BCR: variants seen among roughly 807,000 people sequenced by gnomAD.
BCR encodes the protein breakpoint cluster region protein.
A neutral mutation model predicts 138.6 loss-of-function variants in BCR; 58 were observed. The observed-to-expected ratio is 0.42, with a 90% CI of 0.34 to 0.52. The LOEUF (loss-of-function observed/expected upper bound fraction) is 0.52, where lower values mean the gene tolerates loss of function less well. BCR is among the 20% of genes least tolerant of loss of function. The pLI, the probability that BCR is intolerant of heterozygous loss-of-function variation, is 0.06. For missense variants in BCR, 1,599 were observed against 1,727.2 expected (o/e 0.93, Z 1.32); for synonymous variants, 786 against 730.1 (o/e 1.08, Z -1.23).
At chr22:23,190,210 C>T (rs912214915) in intron 1 of BCR, among the ~76,000 whole-genome samples, 1 of 152,104 alleles carries the variant, frequency 6.6e-6, no homozygotes, top group African/African-American at 2.4e-5. Flanking sequence ...TCTTGTCACC[C>T]AGACTGGAGT....
At chr22:23,249,183 A>T (rs1339439018) in intron 1 of BCR, among the ~76,000 whole-genome samples, 1 of 151,984 alleles carries the variant, frequency 6.6e-6, no homozygotes, top group Non-Finnish European at 1.5e-5. Flanking sequence ...TAATCCCAGC[A>T]CTTTGGGAGG....
rs142193100 is a variant in BCR at position 23,207,417 on chromosome 22, A to C, written c.1279+25178A>C. 1.2e-3 allele frequency among the ~76,000 whole-genome samples: 187 copies of C among 152,266 alleles called. 1 individual carries two copies. The highest frequency in any genetic ancestry group is 0.01 in the Middle Eastern group (3 of 294). On this transcript the variant is annotated intron_variant, in intron 1 of 22. Transcript: ENST00000305877. Reference sequence around the variant, plus strand: ...GTTGGGAGGGTCGCTTGAGCCCAGGAGTTCAAAACCAGCCTAAGCAACATA... The same window carrying C: ...GTTGGGAGGGTCGCTTGAGCCCAGGCGTTCAAAACCAGCCTAAGCAACATA...
chr22:23,216,374 A>T (rs2267015), intron 1 of BCR, among the ~76,000 whole-genome samples: 92,347 of 152,070 alleles, frequency 0.61, 28,768 homozygotes, highest in African/African-American at 0.75. Context: ...CTTTTCTTTT[A>T]TGGTAGTATT....
intron 1 of BCR, among the ~76,000 whole-genome samples, chr22:23,197,378 T>C (rs530725852): frequency 6.6e-6 from 1 of 152,350 alleles, no homozygotes; most frequent in South Asian, 2.1e-4. Flanking sequence ...TTAAGCAAGG[T>C]ATGGCTTTAT....
chr22:23,298,876 G>A (rs1044182412), intron 16 of BCR, among the ~76,000 whole-genome samples: 7 of 152,198 alleles, frequency 4.6e-5, no homozygotes, highest in Admixed American at 3.3e-4. Flanking sequence ...GGGATTATAG[G>A]CGTGAGCTAC....
At chr22:23,309,321 G>C in intron 16 of BCR, 103 bp from the exon 17 acceptor site, 1 of 1,010,928 alleles carries the variant, frequency 9.9e-7, no homozygotes. Flanking sequence ...GTCGGGCTCT[G>C]CCTCTGACTA....
At chr22:23,195,755 G>T (rs900105645) in intron 1 of BCR, among the ~76,000 whole-genome samples, 6 of 152,086 alleles carry the variant, frequency 3.9e-5, no homozygotes, top group African/African-American at 1.4e-4. Context: ...GGGCATTGTG[G>T]CAGGCGCCTG....
intron 19 of BCR, 115 bp from the exon 20 acceptor site, chr22:23,312,772 G>A: frequency 8.3e-7 from 1 of 1,209,856 alleles, no homozygotes; most frequent in Non-Finnish European, 1.2e-6. Context: ...CAAAGCCCAG[G>A]AGGGACCCGC....
chr22:23,283,930 C>T (rs1190568823), intron 8 of BCR, 47 bp from the exon 9 acceptor site: 1 of 1,525,132 alleles, frequency 6.6e-7, no homozygotes, highest in Non-Finnish European at 8.8e-7. Context: ...CACCCCCCAC[C>T]CATCACCCCA....
chr22:23,274,300 T>G (rs1480572029), intron 8 of BCR, among the ~76,000 whole-genome samples: 3 of 152,234 alleles, frequency 2.0e-5, no homozygotes, highest in Non-Finnish European at 4.4e-5. Context: ...CTCCTTCCCC[T>G]TCCCCCCCGT....
chr22:23,240,329 G>A (rs1602053447), intron 1 of BCR, among the ~76,000 whole-genome samples: 1 of 151,792 alleles, frequency 6.6e-6, no homozygotes, highest in Non-Finnish European at 1.5e-5. Flanking sequence ...GTGTGTGTGT[G>A]TGTGTGTGTG....
chr22:23,303,754 T>C (rs1297747129), intron 16 of BCR, among the ~76,000 whole-genome samples: 1 of 152,212 alleles, frequency 6.6e-6, no homozygotes, highest in African/African-American at 2.4e-5. Flanking sequence ...TGGATAGTGA[T>C]ACAGGTCCTC....
intron 7 of BCR, 45 bp from the exon 8 acceptor site, chr22:23,273,589 C>T (rs749703441): frequency 1.2e-6 from 2 of 1,608,312 alleles, no homozygotes; most frequent in Non-Finnish European, 1.7e-6. Flanking sequence ...GTGGCAGGTG[C>T]CAGTGCTCCT....
chr22:23,254,404 A>G lies in BCR; in HGVS notation c.1461+424A>G, dbSNP rs141510660. 465 of 492,952 alleles carry G rather than the reference A, an allele frequency of 9.4e-4. 4 individuals are homozygous for G. Among genetic ancestry groups the G allele is most frequent in the African/African-American group, 8.2e-3 (426 of 51,652 alleles). 30.5% of individuals were successfully genotyped at this position (492,952 alleles called of 1,614,324 possible). On this transcript the variant is annotated intron_variant, in intron 2 of 22. Coordinates refer to ENST00000305877, the MANE Select transcript of BCR (RefSeq NM_004327.4). ...CATGTGACCAGAGCCTTTCCTGTGAATTTTCACTTGACCCTCATTAATAAT... is the reference window on the plus strand; with the variant it reads ...CATGTGACCAGAGCCTTTCCTGTGAGTTTTCACTTGACCCTCATTAATAAT...
chr22:23,295,152 C>G lies in BCR; in HGVS notation c.3009C>G (p.Val1003=), dbSNP rs1487931584. 1 of 1,613,984 alleles carries G rather than the reference C, an allele frequency of 6.2e-7. No individual in the cohort carries two copies. Among genetic ancestry groups the G allele is most frequent in the South Asian group, 1.1e-5 (1 of 91,068 alleles). ...ACAGACTCATGGGGAAGGGCCAGGT[C>G]CAGGTGAGGCAGCCATCCCTACCCT... ...STDRLMGKGQ[V]QLDPQALQDR... Residue 1003 remains valine (V), a synonymous_variant, in exon 16 of 23, where the codon GTC becomes GTG. Transcript: ENST00000305877.
At chr22:23,265,559 G>A (rs12484705) in intron 4 of BCR, among the ~76,000 whole-genome samples, 4 of 152,234 alleles carry the variant, frequency 2.6e-5, no homozygotes, top group African/African-American at 9.6e-5. Context: ...ACCTCCTCCT[G>A]TGGGGCTGCA....
chr22:23,183,874 G>A (rs184062679), intron 1 of BCR, among the ~76,000 whole-genome samples: 5 of 152,210 alleles, frequency 3.3e-5, no homozygotes, highest in South Asian at 2.1e-4. Flanking sequence ...ACTAGACGCC[G>A]AATGCAAGTC....
intron 1 of BCR, among the ~76,000 whole-genome samples, chr22:23,225,164 C>T (rs531094601): frequency 2.5e-4 from 38 of 150,538 alleles, no homozygotes; most frequent in Non-Finnish European, 3.4e-4. Context: ...ACAGGAGAAC[C>T]GGAATTGACT....
chr22:23,242,121 C>A (rs368580533), intron 1 of BCR, among the ~76,000 whole-genome samples: 2 of 152,330 alleles, frequency 1.3e-5, no homozygotes, highest in South Asian at 2.1e-4. Context: ...TGGGAAACTT[C>A]ACCAGAGTCA....
Sources: allele counts gnomAD v4.1 joint callset (sites outside exome capture counted in the v4.1 genomes callset), GRCh38; gene constraint gnomAD v4.1.1; transcripts MANE v1.5; gene names NCBI Gene and HGNC (gene_info 2026-07-23, HGNC 2026-07-21).